The following ADAMTS13 variants were observed in gnomAD, a reference collection of about 807,000 sequenced individuals.
ADAMTS13 encodes the protein ADAM metallopeptidase with thrombospondin type 1 motif 13.
Under a neutral mutation model 155.1 loss-of-function variants are expected in ADAMTS13, and 110 were observed. The ratio of observed to expected loss-of-function variants is 0.71; its 90% CI spans 0.61 to 0.83. The LOEUF (loss-of-function observed/expected upper bound fraction) is 0.83, where lower values mean the gene tolerates loss of function less well. Ranked by LOEUF, ADAMTS13 falls within the 40% of genes least tolerant of loss-of-function variation. The pLI is 0.00. For missense variants in ADAMTS13, 1,707 were observed against 1,891.7 expected (o/e 0.90, Z 1.81); for synonymous variants, 758 against 756.4 (o/e 1.00, Z -0.03).
intron 14 of ADAMTS13, 66 bp downstream of exon 14, chr9:133,438,432 G>A (rs587600769): frequency 1.9e-6 from 3 of 1,602,494 alleles, no homozygotes; most frequent in African/African-American, 2.7e-5. Context: ...ACAGCCCAGA[G>A]CGTTGGTGCA....
In ADAMTS13 at chr9:133,454,449, A is replaced by G; in HGVS notation, c.3079A>G (p.Ser1027Gly). 1 of 1,613,790 alleles carries G rather than the reference A, an allele frequency of 6.2e-7. No homozygotes were observed. ...KVMSLGPCSA[S>G]CGLGTARRSV... ...CATGTCCCTTGGCCCATGTTCGGCC[A>G]GCTGTGGCCTTGGCACTGCTAGACG... is the stretch of plus-strand genomic sequence containing the variant. Residue 1027 changes from serine (S) to glycine (G), a missense_variant, in exon 24 of 29, where the codon AGC (serine) becomes GGC (glycine). Around this residue, in one of 3 missense-constraint regions of ADAMTS13, gnomAD observed 961 missense variants for 1,107.9 expected, o/e 0.87. Transcript: ENST00000355699.
intron 28 of ADAMTS13, 65 bp downstream of exon 28, chr9:133,458,159 A>G: frequency 6.3e-7 from 1 of 1,578,370 alleles, no homozygotes; most frequent in South Asian, 1.1e-5. Flanking sequence ...GTGCAGGGCT[A>G]GGGGACCCCC....
chr9:133,447,161 T>C (rs956139139), intron 21 of ADAMTS13, among the ~76,000 whole-genome samples: 1 of 152,120 alleles, frequency 6.6e-6, no homozygotes, highest in Non-Finnish European at 1.5e-5. Flanking sequence ...GGCCTATTTC[T>C]GTGTTTTTTT....
At chr9:133,439,744 T>C (rs36220950) in intron 15 of ADAMTS13, among the ~76,000 whole-genome samples, 1,585 of 152,314 alleles carry the variant, frequency 0.01, 34 homozygotes, top group African/African-American at 0.036. Flanking sequence ...CTTCTAGCAT[T>C]GGAGCGTGGC....
Position 133,425,399 on chromosome 9 carries a change from C to T in ADAMTS13, c.331-130C>T, listed in dbSNP as rs948628001. On this transcript the variant is annotated intron_variant, in intron 3 of 28. Coordinates refer to ENST00000355699, the MANE Select transcript of ADAMTS13 (RefSeq NM_139027.6). The surrounding 1 kb of genome is among the most constrained non-coding windows in gnomAD (Gnocchi z 4.6). ...CATTTTAGGAGCCCCCCGCCCCGCC[C>T]GGTTCCCACACATGCTGGTGGAGTA... 52 of 738,976 alleles carry T rather than the reference C, an allele frequency of 7.0e-5. No individual in the cohort carries two copies. Among genetic ancestry groups the T allele is most frequent in the East Asian group, 1.1e-4 (4 of 37,134 alleles). The allele number at this position is 738,976 out of a possible 1,614,324, so 45.8% of individuals were successfully genotyped here. A position where few individuals can be genotyped will look rare whatever the true frequency, so the allele number is the denominator to read the frequency against.
chr9:133,417,773 C>G, upstream of ADAMTS13: 1 of 1,611,796 alleles, frequency 6.2e-7, no homozygotes, highest in Non-Finnish European at 8.5e-7. Context: ...GAGTGAGCGT[C>G]TTGACAGGAC....
At position 133,454,473 on chromosome 9, in the gene ADAMTS13, C is replaced by A; in HGVS notation, c.3103C>A (p.Arg1035Ser). ...SASCGLGTAR[R>S]SVACVQLDQG... ...CAGCTGTGGCCTTGGCACTGCTAGACGCTCGGTGGCCTGTGTGCAGCTCGA... is the reference window on the plus strand; with the variant it reads ...CAGCTGTGGCCTTGGCACTGCTAGAAGCTCGGTGGCCTGTGTGCAGCTCGA... Residue 1035 changes from arginine to serine, a missense_variant, in exon 24 of 29, where the codon CGC becomes AGC. Arg to Ser is a moderately radical substitution (Grantham distance 110). Around this residue, in one of 3 missense-constraint regions of ADAMTS13, gnomAD observed 961 missense variants for 1,107.9 expected, o/e 0.87. Coordinates refer to ENST00000355699, the MANE Select transcript of ADAMTS13 (RefSeq NM_139027.6). 1 of 1,613,450 alleles carries A rather than the reference C, an allele frequency of 6.2e-7. No homozygotes were observed. The highest frequency in any genetic ancestry group is 8.5e-7 in the Non-Finnish European group (1 of 1,180,030).
chr9:133,416,741 C>A (rs1242267915), intron 1 of ADAMTS13, among the ~76,000 whole-genome samples: 1 of 152,216 alleles, frequency 6.6e-6, no homozygotes, highest in Non-Finnish European at 1.5e-5. Context: ...TTCCCAGCCG[C>A]AATCTTAGAT....
intron 24 of ADAMTS13, among the ~76,000 whole-genome samples, chr9:133,454,865 G>T (rs1045937630): frequency 6.6e-6 from 1 of 152,108 alleles, no homozygotes; most frequent in Non-Finnish European, 1.5e-5. Flanking sequence ...AGGCCACTCA[G>T]CTCTACACAG....
chr9:133,446,270 A>G (rs4962150), intron 21 of ADAMTS13, among the ~76,000 whole-genome samples: 47,888 of 152,114 alleles, frequency 0.31, 9,359 homozygotes, highest in South Asian at 0.43. Context: ...TGCGGCCATC[A>G]CCACCAACCT....
rs1450859293 is a variant in ADAMTS13 at position 133,433,297 on chromosome 9, T to C, written c.1093-81T>C. The C allele has an allele frequency of 1.8e-5, 28 of 1,580,202 alleles. No individual in the cohort carries two copies. In the East Asian group the frequency reaches 2.9e-4, roughly 16 times the overall value. ...TGTGTGTTGGGGATCCCTGAGGATG[T>C]TGGGGGACTCTCTGTGTGTGTTGGG... On this transcript the variant is annotated intron_variant, in intron 9 of 28. Transcript: ENST00000355699.
At position 133,437,916 on chromosome 9, in the gene ADAMTS13, T is replaced by A; in HGVS notation, c.1584+19T>A. Reference sequence around the variant, plus strand: ...CTGCAGGGTAGGCGTGTGTGGACATTGGCGATGGCCCTGGGGCCTACCTGT... The same window carrying A: ...CTGCAGGGTAGGCGTGTGTGGACATAGGCGATGGCCCTGGGGCCTACCTGT... On this transcript the variant is annotated intron_variant, in intron 13 of 28. Coordinates refer to ENST00000355699, the MANE Select transcript of ADAMTS13 (RefSeq NM_139027.6). The A allele has an allele frequency of 6.2e-7, 1 of 1,613,014 alleles. No homozygotes were observed. Among genetic ancestry groups the A allele is most frequent in the South Asian group, 1.1e-5 (1 of 91,074 alleles).
At chr9:133,418,952 T>A (rs1025304407), upstream of ADAMTS13, among the ~76,000 whole-genome samples, 1 of 152,216 alleles carries the variant, frequency 6.6e-6, no homozygotes, top group Admixed American at 6.5e-5. Flanking sequence ...GCGATTCTCC[T>A]GCCTCAGCCT....
At position 133,440,442 on chromosome 9, in the gene ADAMTS13, A is replaced by G. The variant is rs1554790381; in HGVS notation, c.1885A>G (p.Arg629Gly). ...CCTGGAGGATGGTCGTGTCGAGTAC[A>G]GAGTGGCCCTCACCGAGGACCGGCT... The part of the protein sequence containing the change: ...SLLEDGRVEY[R>G]VALTEDRLPR... Residue 629 changes from arginine (R) to glycine (G), a missense_variant, in exon 16 of 29, where the codon AGA becomes GGA. Physicochemically the swap from Arg to Gly is moderately radical, Grantham distance 125. Coordinates refer to ENST00000355699, the MANE Select transcript of ADAMTS13 (RefSeq NM_139027.6). The surrounding 1 kb of genome is among the most constrained non-coding windows in gnomAD (Gnocchi z 4.3). 2 of 1,613,804 alleles carry G rather than the reference A, an allele frequency of 1.2e-6. No individual in the cohort carries two copies. Among genetic ancestry groups the G allele is most frequent in the Non-Finnish European group, 1.7e-6 (2 of 1,179,960 alleles).
intron 8 of ADAMTS13, among the ~76,000 whole-genome samples, chr9:133,432,187 C>T (rs1840819530): frequency 6.6e-6 from 1 of 152,114 alleles, no homozygotes; most frequent in African/African-American, 2.4e-5. Flanking sequence ...ATTGCTTGAA[C>T]CCAGGAGGCA....
chr9:133,422,568 C>A lies in ADAMTS13; in HGVS notation c.105+20C>A, dbSNP rs782172228. Reference sequence around the variant, plus strand: ...CAGCAGGTGGGCTCATTTGCAGGAGCGGGGGTATTCTGGGAGCCTCTGGGT... The same window carrying A: ...CAGCAGGTGGGCTCATTTGCAGGAGAGGGGGTATTCTGGGAGCCTCTGGGT... On this transcript the variant is annotated intron_variant, in intron 1 of 28. Coordinates refer to ENST00000355699, the MANE Select transcript of ADAMTS13 (RefSeq NM_139027.6). The A allele has an allele frequency of 6.2e-7, 1 of 1,612,482 alleles. No individual in the cohort carries two copies.
rs1015319677 is a variant in ADAMTS13, at chr9:133,456,733, T to C, written c.3724+14T>C. On this transcript the variant is annotated intron_variant, in intron 27 of 28. Transcript: ENST00000355699. This position sits in a 1 kb window ranked among gnomAD's most constrained non-coding sequence, Gnocchi z 4.4. Reference sequence around the variant, plus strand: ...CCTTCTACAGAGGTATGGCCAGGCCTTCTCCACCTCCCTTGGGTGCTCCAG... The same window carrying C: ...CCTTCTACAGAGGTATGGCCAGGCCCTCTCCACCTCCCTTGGGTGCTCCAG... The C allele has an allele frequency of 5.1e-6, 8 of 1,553,668 alleles. No individual in the cohort carries two copies. Among genetic ancestry groups the C allele is most frequent in the Non-Finnish European group, 7.0e-6 (8 of 1,148,050 alleles).
At chr9:133,415,531 G>A (rs2130738991) in intron 1 of ADAMTS13, 1 of 154,572 alleles carries the variant, frequency 6.5e-6, no homozygotes, top group Non-Finnish European at 1.4e-5. Flanking sequence ...AGAACTGCTA[G>A]CAGCCACACA....
At chr9:133,428,607 T>A in intron 6 of ADAMTS13, 27 bp from the exon 7 acceptor site, 1 of 952,622 alleles carries the variant, frequency 1.0e-6, no homozygotes, top group Non-Finnish European at 1.3e-6. Context: ...CCGGCCGCCT[T>A]AGCGCAACTC....
Sources: allele counts gnomAD v4.1 joint callset (sites outside exome capture counted in the v4.1 genomes callset), GRCh38; gene constraint gnomAD v4.1.1; regional missense constraint gnomAD v4.1.1; non-coding constraint Gnocchi (gnomAD v3.1); transcripts MANE v1.5; gene names NCBI Gene and HGNC (gene_info 2026-07-23, HGNC 2026-07-21).